Variants in AGBL1 observed in about 807,000 individuals in gnomAD.
The protein encoded by AGBL1 is cytosolic carboxypeptidase 4.
In AGBL1, 130 loss-of-function variants were observed where a neutral mutation model predicts 118.9. That is an observed-to-expected ratio of 1.09 (90% CI 0.95 to 1.26). The LOEUF (loss-of-function observed/expected upper bound fraction) is 1.26, where lower values mean the gene tolerates loss of function less well. AGBL1 is among the 50% of genes most tolerant of loss of function. The pLI is 0.00. For missense variants in AGBL1, 1,584 were observed against 1,298.1 expected, an observed-to-expected ratio of 1.22 and a Z score of -3.38; for synonymous variants, 555 against 478.9, an observed-to-expected ratio of 1.16 and a Z score of -2.08.
chr15:86,426,196 C>T (rs575836078), intron 18 of AGBL1, among the ~76,000 whole-genome samples: 7 of 152,136 alleles, frequency 4.6e-5, no homozygotes, highest in East Asian at 3.9e-4. Context: ...TGAAAGACTG[C>T]GAATTCTTTG....
chr15:86,890,017 T>G (rs62593957), intron 22 of AGBL1, among the ~76,000 whole-genome samples: 1 of 152,330 alleles, frequency 6.6e-6, no homozygotes, highest in East Asian at 1.9e-4. Context: ...CCACCAACAG[T>G]GTAAAAGTGT....
intron 17 of AGBL1, chr15:86,295,848 T>C (rs34896531): frequency 0.46 from 71,851 of 155,234 alleles, 19,028 homozygotes; most frequent in Non-Finnish European, 0.6. Flanking sequence ...ACCATTTGTG[T>C]CTGAAGGGCT....
intron 20 of AGBL1, among the ~76,000 whole-genome samples, chr15:86,548,107 G>A (rs2083610661): frequency 6.6e-6 from 1 of 152,246 alleles, no homozygotes; most frequent in Non-Finnish European, 1.5e-5. Flanking sequence ...TCATTTTACA[G>A]ATGGGAAAAT....
At chr15:86,519,328 A>C (rs2083158487) in intron 18 of AGBL1, among the ~76,000 whole-genome samples, 1 of 152,186 alleles carries the variant, frequency 6.6e-6, no homozygotes, top group African/African-American at 2.4e-5. Context: ...AATTATAGGC[A>C]CTGAATTTAT....
rs970613692 is a variant in AGBL1, at chr15:86,914,362, C to A, written c.*7068C>A. On this transcript the variant is annotated 3_prime_UTR_variant, in exon 23 of 23. Transcript: ENST00000614907. ...TGACTCATTTCACTCTCAGTACCAG[C>A]TCTGTGGGATAAATGGACATTATGA... 6 of 152,142 alleles carry A rather than the reference C, an allele frequency of 3.9e-5. No individual in the cohort carries two copies. Among genetic ancestry groups the A allele is most frequent in the African/African-American group, 1.2e-4 (5 of 41,424 alleles). The allele number at this position is 152,142 out of a possible 1,614,324, so 9.4% of individuals were successfully genotyped here. A position where few individuals can be genotyped will look rare whatever the true frequency, so the allele number is the denominator to read the frequency against.
intron 18 of AGBL1, among the ~76,000 whole-genome samples, chr15:86,434,024 C>A (rs1230523813): frequency 6.6e-6 from 1 of 152,164 alleles, no homozygotes; most frequent in Non-Finnish European, 1.5e-5. Context: ...GTTGATACAG[C>A]CAGTGGAGGA....
At chr15:86,269,854 T>C in intron 13 of AGBL1, 65 bp from the exon 14 acceptor site, 1 of 1,550,896 alleles carries the variant, frequency 6.4e-7, no homozygotes, top group Non-Finnish European at 8.8e-7. Context: ...GTGTAGATTC[T>C]TAGTGTCTGA....
At chr15:86,832,816 G>A (rs991662946) in intron 22 of AGBL1, among the ~76,000 whole-genome samples, 2 of 152,040 alleles carry the variant, frequency 1.3e-5, no homozygotes, top group African/African-American at 4.8e-5. Context: ...ACATTTTTAG[G>A]TATCTTTATA....
intron 5 of AGBL1, among the ~76,000 whole-genome samples, chr15:86,176,149 G>T (rs1417881578): frequency 2.0e-5 from 3 of 152,186 alleles, no homozygotes; most frequent in South Asian, 2.1e-4. Flanking sequence ...GGTAGAGCAG[G>T]TTAATCTCCA....
intron 18 of AGBL1, among the ~76,000 whole-genome samples, chr15:86,463,404 A>G (rs988661847): frequency 6.6e-6 from 1 of 151,658 alleles, no homozygotes; most frequent in Non-Finnish European, 1.5e-5. Flanking sequence ...GTTCACTCTG[A>G]TGATAGTTTC....
chr15:86,883,473 C>T (rs1299403938), intron 22 of AGBL1, among the ~76,000 whole-genome samples: 4 of 152,198 alleles, frequency 2.6e-5, no homozygotes, highest in African/African-American at 7.2e-5. Flanking sequence ...GCTTCTGAAC[C>T]TGGAGAAAAT....
chr15:86,207,578 T>C (rs1321819518), intron 5 of AGBL1, among the ~76,000 whole-genome samples: 1 of 152,194 alleles, frequency 6.6e-6, no homozygotes, highest in African/African-American at 2.4e-5. Flanking sequence ...GTAACAATTA[T>C]GAATGGGAGT....
At chr15:86,906,668 C>T (rs537473682) in intron 22 of AGBL1, among the ~76,000 whole-genome samples, 3 of 152,282 alleles carry the variant, frequency 2.0e-5, no homozygotes, top group African/African-American at 7.2e-5. Flanking sequence ...CAGTGATGAC[C>T]TTCTCTGATT....
intron 9 of AGBL1, among the ~76,000 whole-genome samples, chr15:86,259,717 G>A (rs2078952450): frequency 6.6e-6 from 1 of 152,228 alleles, no homozygotes; most frequent in Admixed American, 6.5e-5. Context: ...TGATGGTGCA[G>A]GCCTATGGAG....
intron 21 of AGBL1, among the ~76,000 whole-genome samples, chr15:86,651,697 C>A (rs1207837876): frequency 6.6e-6 from 1 of 152,118 alleles, no homozygotes; most frequent in Non-Finnish European, 1.5e-5. Flanking sequence ...CTTCTTGACC[C>A]CTCCATAGAT....
At chr15:86,121,667 C>G (rs143404502) in intron 1 of AGBL1, among the ~76,000 whole-genome samples, 75 of 152,322 alleles carry the variant, frequency 4.9e-4, no homozygotes, top group African/African-American at 1.8e-3. Flanking sequence ...CTAAGAGGAA[C>G]CCACGTTTCT....
intron 17 of AGBL1, among the ~76,000 whole-genome samples, chr15:86,338,985 T>G (rs1172919543): frequency 1.3e-5 from 2 of 152,160 alleles, no homozygotes; most frequent in Non-Finnish European, 2.9e-5. Flanking sequence ...TCTGAGAATT[T>G]TTATCATAAG....
chr15:86,769,876 G>A (rs537378526), intron 22 of AGBL1, among the ~76,000 whole-genome samples: 2 of 152,014 alleles, frequency 1.3e-5, no homozygotes, highest in African/African-American at 4.8e-5. Context: ...GAGAGCTTCC[G>A]AGAAAGGCAG....
chr15:86,933,181 T>C (rs1310446986), intron 23 of AGBL1, among the ~76,000 whole-genome samples: 1 of 152,204 alleles, frequency 6.6e-6, no homozygotes, highest in South Asian at 2.1e-4. Flanking sequence ...AAATCTAACG[T>C]GGCTGACTCC....
Sources: gnomAD v4.1 joint callset for allele counts (sites outside exome capture counted in the v4.1 genomes callset) on GRCh38, gnomAD v4.1.1 for gene constraint, MANE v1.5 for transcripts, NCBI Gene and HGNC (gene_info 2026-07-23, HGNC 2026-07-21) for gene names.